Variants in INSL6 observed in about 807,000 individuals in gnomAD.
INSL6 encodes the protein insulin-like peptide INSL6.
Under a neutral mutation model 9.4 loss-of-function variants are expected in INSL6, and 16 were observed. The observed-to-expected ratio is 1.70, with a 90% CI of 1.15 to 2.59. The LOEUF is 2.59. Ranked by LOEUF, INSL6 falls within the 30% of genes most tolerant of loss-of-function variation. The pLI is 0.00. For synonymous variants in INSL6, 154 were observed against 96.9 expected, an observed-to-expected ratio of 1.59 and a Z score of -3.46; for missense variants, 391 against 257.3, an observed-to-expected ratio of 1.52 and a Z score of -3.56.
intron 1 of INSL6, among the ~76,000 whole-genome samples, chr9:5,180,577 G>A (rs1251491108): frequency 6.6e-6 from 1 of 152,102 alleles, no homozygotes; most frequent in African/African-American, 2.4e-5. Context: ...TTATGTCGTT[G>A]ACATAAGGAC....
chr9:5,170,625 T>C (rs1396655675), intron 1 of INSL6, among the ~76,000 whole-genome samples: 1 of 139,258 alleles, frequency 7.2e-6, no homozygotes, highest in Admixed American at 7.2e-5. Context: ...GAAAGAAGAA[T>C]CAAATAGACA....
the INSL6 span, chr9:5,091,538 T>C: frequency 6.6e-6 from 1 of 151,930 alleles, no homozygotes; most frequent in Non-Finnish European, 1.5e-5. Context: ...TTATGGGTGT[T>C]GGTTGGTGGT....
chr9:5,054,657 A>T, the INSL6 span: 55 of 1,613,242 alleles, frequency 3.4e-5, no homozygotes, highest in Non-Finnish European at 4.3e-5. This position sits in a 1 kb window ranked among gnomAD's most constrained non-coding sequence, Gnocchi z 4.9. Context: ...TCGCAGATTT[A>T]TTCAGCAATT....
the INSL6 span, among the ~76,000 whole-genome samples, chr9:5,104,582 C>A: frequency 6.6e-6 from 1 of 152,170 alleles, no homozygotes; most frequent in Non-Finnish European, 1.5e-5. Flanking sequence ...CAGCCCGATA[C>A]CAAAGCCTAG....
At chr9:5,041,635 A>G in the INSL6 span, 1 of 502,024 alleles carries the variant, frequency 2.0e-6, no homozygotes. Context: ...CTGGACTTTG[A>G]GAAGCTCGAC....
the INSL6 span, among the ~76,000 whole-genome samples, chr9:5,004,802 A>G: frequency 2.0e-5 from 3 of 151,890 alleles, no homozygotes; most frequent in African/African-American, 4.8e-5. Flanking sequence ...TTATCCTTAT[A>G]TCTTTTTGAT....
chr9:5,027,256 A>G, the INSL6 span, among the ~76,000 whole-genome samples: 1 of 152,246 alleles, frequency 6.6e-6, no homozygotes, highest in East Asian at 1.9e-4. Context: ...AGTGAAGCAA[A>G]TATTGCAATA....
the INSL6 span, chr9:5,080,362 T>A: frequency 1.9e-5 from 30 of 1,612,898 alleles, no homozygotes; most frequent in Non-Finnish European, 2.5e-5. Context: ...AACCTCTAAG[T>A]GCTCTGGATT....
At chr9:5,152,311 A>T (rs1448984118) in intron 2 of INSL6, among the ~76,000 whole-genome samples, 1 of 152,214 alleles carries the variant, frequency 6.6e-6, no homozygotes, top group East Asian at 1.9e-4. Context: ...AATAATTACC[A>T]CAAATTATTA....
intron 1 of INSL6, among the ~76,000 whole-genome samples, chr9:5,165,897 A>G (rs1825040419): frequency 6.6e-6 from 1 of 152,198 alleles, no homozygotes; most frequent in Non-Finnish European, 1.5e-5. Context: ...GCCAGCTCTT[A>G]GGCAGCCATG....
chr9:5,119,095 A>C (rs745850726), downstream of INSL6, among the ~76,000 whole-genome samples: 2 of 152,194 alleles, frequency 1.3e-5, no homozygotes, highest in Non-Finnish European at 2.9e-5. Flanking sequence ...TATGATTTAA[A>C]CACAGCAAAC....
chr9:5,021,184 T>G, the INSL6 span, among the ~76,000 whole-genome samples: 1 of 152,190 alleles, frequency 6.6e-6, no homozygotes, highest in Non-Finnish European at 1.5e-5. Context: ...TCCCTCTCCT[T>G]CCTTGCATTA....
chr9:5,098,058 T>C, the INSL6 span: 1 of 152,218 alleles, frequency 6.6e-6, no homozygotes, highest in East Asian at 1.9e-4. Context: ...GCAGTTATGC[T>C]AACAATTTTT....
downstream of INSL6, among the ~76,000 whole-genome samples, chr9:5,163,287 T>C (rs1296027645): frequency 4.6e-5 from 7 of 152,216 alleles, no homozygotes; most frequent in African/African-American, 1.2e-4. Context: ...TTCTCAAACA[T>C]TGAGATTTAT....
the INSL6 span, chr9:5,111,047 G>C: frequency 2.8e-5 from 28 of 984,878 alleles, no homozygotes; most frequent in Non-Finnish European, 4.1e-5. Flanking sequence ...GCGCAATTCA[G>C]AGGTTCAGGT....
At chr9:5,081,438 C>T in the INSL6 span, among the ~76,000 whole-genome samples, 1 of 152,088 alleles carries the variant, frequency 6.6e-6, no homozygotes, top group Non-Finnish European at 1.5e-5. Flanking sequence ...CCCAGTACTA[C>T]TCACCTTTCT....
chr9:5,029,800 CATA>C, the INSL6 span: 2 of 1,610,978 alleles, frequency 1.2e-6, no homozygotes, highest in East Asian at 2.2e-5. Context: ...ACCTGTGTAT[CATA>C]ATATGTTTGC....
chr9:5,145,240 AT>A (rs1392293694), intron 2 of INSL6, among the ~76,000 whole-genome samples: 1 of 151,226 alleles, frequency 6.6e-6, no homozygotes, highest in East Asian at 1.9e-4. Flanking sequence ...TTGGCCAGAT[AT>A]GAAATTCTGG....
chr9:5,017,103 A>G, the INSL6 span, among the ~76,000 whole-genome samples: 2 of 152,356 alleles, frequency 1.3e-5, no homozygotes, highest in East Asian at 3.9e-4. Context: ...GAGTGATAGC[A>G]GACTTCATAT....
Sources: gnomAD v4.1 joint callset for allele counts (sites outside exome capture counted in the v4.1 genomes callset) on GRCh38, gnomAD v4.1.1 for gene constraint, Gnocchi (gnomAD v3.1) non-coding constraint, MANE v1.5 for transcripts, NCBI Gene and HGNC (gene_info 2026-07-23, HGNC 2026-07-21) for gene names.